COQ2: variants seen among roughly 807,000 people sequenced by gnomAD.
COQ2 encodes the protein 4-hydroxybenzoate polyprenyltransferase, mitochondrial.
In COQ2, 25 loss-of-function variants were observed where a neutral mutation model predicts 35.7. The ratio of observed to expected loss-of-function variants is 0.70; its 90% CI spans 0.51 to 0.98. The LOEUF (loss-of-function observed/expected upper bound fraction) is 0.98, where lower values mean the gene tolerates loss of function less well. COQ2 is among the 50% of genes least tolerant of loss of function. COQ2 has a pLI of 0.00. For synonymous variants in COQ2, 206 were observed against 186.2 expected, an observed-to-expected ratio of 1.11 and a Z score of -0.86; for missense variants, 488 against 473.5, an observed-to-expected ratio of 1.03 and a Z score of -0.28.
In COQ2 at chr4:83,267,606, C is replaced by CT. The variant is rs1247047912; in HGVS notation, c.930dup (p.Gly311ArgfsTer17). ...CAAACCTGGTGAGTCAGATGGGCTCCTACAGCACCCAGGGCAGCGTAGTAG... is the reference window on the plus strand; with the variant it reads ...CAAACCTGGTGAGTCAGATGGGCTCCTTACAGCACCCAGGGCAGCGTAGTAG... On this transcript the variant is annotated frameshift_variant, in exon 6 of 7. Transcript: ENST00000647002. LOFTEE classifies it high-confidence loss of function. 6.3e-7 allele frequency: 1 copy of CT among 1,582,828 alleles called. No individual in the cohort carries two copies. Among genetic ancestry groups the CT allele is most frequent in the Non-Finnish European group, 8.6e-7 (1 of 1,165,826 alleles).
At chr4:83,276,308 G>A (rs560167200) in intron 2 of COQ2, among the ~76,000 whole-genome samples, 2 of 151,816 alleles carry the variant, frequency 1.3e-5, no homozygotes, top group South Asian at 4.1e-4. Flanking sequence ...TTTGTTGGAC[G>A]CATTGTTTGT....
chr4:83,266,354 CTT>C (rs1239530583), intron 6 of COQ2, among the ~76,000 whole-genome samples: 1 of 131,246 alleles, frequency 7.6e-6, no homozygotes, highest in East Asian at 2.1e-4. Context: ...TGAATATCTT[CTT>C]TTTTTTTTGT....
At chr4:83,276,337 T>G (rs1353108662) in intron 2 of COQ2, among the ~76,000 whole-genome samples, 1 of 152,150 alleles carries the variant, frequency 6.6e-6, no homozygotes, top group African/African-American at 2.4e-5. Context: ...TCTCCCATTC[T>G]GCAGGTGGTC....
chr4:83,271,013 C>A (rs1163826234), intron 4 of COQ2, among the ~76,000 whole-genome samples: 1 of 152,174 alleles, frequency 6.6e-6, no homozygotes, highest in Non-Finnish European at 1.5e-5. Flanking sequence ...TCCCACAAAT[C>A]AGGCTCACAT....
rs961347702 is a variant in COQ2 at position 83,264,052 on chromosome 4, T to A, written c.*147A>T. 3.5e-6 allele frequency: 2 copies of A among 576,786 alleles called. No homozygotes were observed. Among genetic ancestry groups the A allele is most frequent in the Non-Finnish European group, 5.6e-6 (2 of 358,074 alleles). The allele number at this position is 576,786 out of a possible 1,614,324, so 35.7% of individuals were successfully genotyped here. On this transcript the variant is annotated 3_prime_UTR_variant, in exon 7 of 7. Coordinates refer to ENST00000647002, the MANE Select transcript of COQ2 (RefSeq NM_001358921.2). ...TTTCTGTGACAAGGGGGAATTTTGC[T>A]AGCAAATAAGTAAAATCCAGGTAAA...
intron 1 of COQ2, among the ~76,000 whole-genome samples, chr4:83,280,980 C>T (rs1013534220): frequency 6.6e-6 from 1 of 152,190 alleles, no homozygotes; most frequent in Non-Finnish European, 1.5e-5. Flanking sequence ...ACATTAGAGA[C>T]AGGGTCTCGC....
At chr4:83,274,892 T>G (rs1049468729) in intron 2 of COQ2, among the ~76,000 whole-genome samples, 2 of 152,224 alleles carry the variant, frequency 1.3e-5, no homozygotes, top group African/African-American at 4.8e-5. Flanking sequence ...ATTTCTATTA[T>G]TCTATCTCCA....
chr4:83,267,500 A>G, intron 6 of COQ2, 86 bp downstream of exon 6: 1 of 1,232,034 alleles, frequency 8.1e-7, no homozygotes, highest in African/African-American at 1.6e-5. Flanking sequence ...GTTCCTTGCC[A>G]GGTAAACACA....
Position 83,263,969 on chromosome 4 carries a change from C to T in COQ2, c.*230G>A, listed in dbSNP as rs1242031312. ...AACTTCAGGTGAGAATTATAATGGG[C>T]AGAAGAATGTATCAACTAAAATACT... On this transcript the variant is annotated 3_prime_UTR_variant, in exon 7 of 7. Coordinates refer to ENST00000647002, the MANE Select transcript of COQ2 (RefSeq NM_001358921.2). The T allele has an allele frequency of 1.9e-5, 6 of 322,400 alleles. No homozygotes were observed. Among genetic ancestry groups the T allele is most frequent in the African/African-American group, 8.9e-5 (4 of 45,096 alleles). The allele number at this position is 322,400 out of a possible 1,614,324, so 20.0% of individuals were successfully genotyped here.
chr4:83,268,728 G>A (rs953451609), intron 5 of COQ2, among the ~76,000 whole-genome samples: 1 of 152,186 alleles, frequency 6.6e-6, no homozygotes, highest in Middle Eastern at 3.2e-3. Context: ...TGTAAGTCAA[G>A]TTTCACTTTG....
At position 83,279,134 on chromosome 4, in the gene COQ2, C is replaced by G; in HGVS notation, c.254-20G>C. The G allele has an allele frequency of 6.6e-7, 1 of 1,518,968 alleles. No homozygotes were observed. Among genetic ancestry groups the G allele is most frequent in the Non-Finnish European group, 8.8e-7 (1 of 1,138,242 alleles). 94.1% of individuals were successfully genotyped at this position (1,518,968 alleles called of 1,614,324 possible). A position where few individuals can be genotyped will look rare whatever the true frequency, so the allele number is the denominator to read the frequency against. On this transcript the variant is annotated intron_variant, in intron 1 of 6. Transcript: ENST00000647002. ...AGGTTCCTAAGCAAAAATAAAAAGA[C>G]AAAAAAGGTACAAATTTAAGTCAGT...
At chr4:83,282,980 A>C (rs1249340346) in intron 1 of COQ2, among the ~76,000 whole-genome samples, 1 of 152,134 alleles carries the variant, frequency 6.6e-6, no homozygotes, top group Non-Finnish European at 1.5e-5. Context: ...CATGCCACAG[A>C]CTCCAAGAAC....
intron 2 of COQ2, among the ~76,000 whole-genome samples, chr4:83,274,024 T>C (rs1336727608): frequency 6.7e-6 from 1 of 148,154 alleles, no homozygotes; most frequent in South Asian, 2.2e-4. Context: ...GGTATGGTGA[T>C]GTGTGCCTGT....
chr4:83,277,441 C>T (rs1735209720), intron 2 of COQ2, among the ~76,000 whole-genome samples: 1 of 152,180 alleles, frequency 6.6e-6, no homozygotes, highest in Non-Finnish European at 1.5e-5. Flanking sequence ...CCATCCTATT[C>T]TTTCAGAGTT....
At chr4:83,272,964 C>G (rs1735083642) in intron 3 of COQ2, among the ~76,000 whole-genome samples, 1 of 152,128 alleles carries the variant, frequency 6.6e-6, no homozygotes, top group Non-Finnish European at 1.5e-5. Flanking sequence ...TTTCTTCTCT[C>G]GCATTGAAGC....
intron 1 of COQ2, among the ~76,000 whole-genome samples, chr4:83,280,056 T>C (rs1735282312): frequency 6.6e-6 from 1 of 152,116 alleles, no homozygotes; most frequent in African/African-American, 2.4e-5. Flanking sequence ...TTGCAAACTC[T>C]TGGCCTCAAG....
At chr4:83,273,946 C>T (rs996302195) in intron 2 of COQ2, among the ~76,000 whole-genome samples, 1 of 139,406 alleles carries the variant, frequency 7.2e-6, no homozygotes, top group African/African-American at 2.8e-5. Flanking sequence ...GAGTTCAAGA[C>T]CAGACTAGGC....
intron 1 of COQ2, chr4:83,284,263 G>T (rs1224629348): frequency 1.0e-6 from 1 of 985,320 alleles, no homozygotes; most frequent in African/African-American, 1.7e-5. Flanking sequence ...AGACTGTCCC[G>T]ACTGCGTGTC....
intron 2 of COQ2, 43 bp downstream of exon 2, chr4:83,278,905 G>C (rs1735244747): frequency 6.6e-7 from 1 of 1,508,934 alleles, no homozygotes; most frequent in Non-Finnish European, 8.9e-7. Flanking sequence ...TTATTCTGCA[G>C]AATTGAGAAG....
Sources: allele counts gnomAD v4.1 joint callset (sites outside exome capture counted in the v4.1 genomes callset), GRCh38; gene constraint gnomAD v4.1.1; transcripts MANE v1.5; gene names NCBI Gene and HGNC (gene_info 2026-07-23, HGNC 2026-07-21).